Variants in GAREM1 observed in about 807,000 individuals in gnomAD.
GAREM1 encodes GRB2-associated and regulator of MAPK protein 1.
Under a neutral mutation model 71.3 loss-of-function variants are expected in GAREM1, and 26 were observed. That is an observed-to-expected ratio of 0.36 (90% CI 0.27 to 0.51). The LOEUF is 0.51. Among genes scored for constraint, GAREM1 ranks in the 20% least tolerant of loss-of-function variants. GAREM1 has a pLI of 0.95. For synonymous variants in GAREM1, 440 were observed against 433.2 expected (o/e 1.02, Z -0.20); for missense variants, 1,026 against 1,103.1 (o/e 0.93, Z 0.99).
intron 1 of GAREM1, among the ~76,000 whole-genome samples, chr18:32,399,679 G>A (rs1370472624): frequency 5.9e-5 from 9 of 151,954 alleles, no homozygotes; most frequent in South Asian, 2.1e-4. Flanking sequence ...AACAGGACAC[G>A]AACAAATGGA....
At chr18:32,336,150 G>T (rs2047590620) in intron 2 of GAREM1, among the ~76,000 whole-genome samples, 1 of 152,170 alleles carries the variant, frequency 6.6e-6, no homozygotes, top group African/African-American at 2.4e-5. Flanking sequence ...CATACAGTAG[G>T]CCGGGCACGG....
Position 32,396,968 on chromosome 18 carries a change from C to G in GAREM1, c.122-3933G>C, listed in dbSNP as rs368502370. Among the ~76,000 whole-genome samples, 117 of 152,288 alleles carry G rather than the reference C, an allele frequency of 7.7e-4. 1 individual carries two copies. In the East Asian group the frequency reaches 0.018, roughly 24 times the overall value. ...CTAACAGCGGATCTCTCGGCAGAAA[C>G]TCTACAAGCCAGAAGAGAGTGGGGG... On this transcript the variant is annotated intron_variant, in intron 1 of 5. Coordinates refer to ENST00000269209, the MANE Select transcript of GAREM1 (RefSeq NM_001242409.2).
At chr18:32,370,421 CAAAAAAAAA>C (rs57026913) in intron 2 of GAREM1, among the ~76,000 whole-genome samples, 1 of 69,174 alleles carries the variant, frequency 1.4e-5, no homozygotes, top group Non-Finnish European at 3.0e-5. Flanking sequence ...AACTCTGTTT[CAAAAAAAAA>C]AAAAAAAAGC....
chr18:32,363,743 A>T (rs2047889481), intron 2 of GAREM1, among the ~76,000 whole-genome samples: 1 of 151,794 alleles, frequency 6.6e-6, no homozygotes, highest in Non-Finnish European at 1.5e-5. Flanking sequence ...ACAGCTTATG[A>T]TTTTCAGTCA....
intron 1 of GAREM1, among the ~76,000 whole-genome samples, chr18:32,398,089 A>G (rs1395220782): frequency 6.6e-6 from 1 of 152,224 alleles, no homozygotes; most frequent in Non-Finnish European, 1.5e-5. Context: ...AAATGAAGGC[A>G]GAAATAAAGA....
intron 1 of GAREM1, among the ~76,000 whole-genome samples, chr18:32,410,482 G>A (rs541376960): frequency 6.6e-6 from 1 of 152,044 alleles, no homozygotes; most frequent in Non-Finnish European, 1.5e-5. Context: ...CAAATTGCTG[G>A]TACTACAGGT....
At chr18:32,467,464 G>C (rs555761898) in intron 1 of GAREM1, among the ~76,000 whole-genome samples, 7 of 152,148 alleles carry the variant, frequency 4.6e-5, no homozygotes, top group Admixed American at 1.3e-4. Context: ...CCATTTACTA[G>C]GTACGAGTCT....
intron 1 of GAREM1, among the ~76,000 whole-genome samples, chr18:32,436,536 T>C (rs1478461533): frequency 1.3e-5 from 2 of 152,242 alleles, no homozygotes; most frequent in African/African-American, 4.8e-5. Flanking sequence ...TGTCTGTTGC[T>C]AAATACCAAT....
intron 1 of GAREM1, among the ~76,000 whole-genome samples, chr18:32,394,716 G>C (rs938396976): frequency 6.6e-6 from 1 of 152,140 alleles, no homozygotes; most frequent in Non-Finnish European, 1.5e-5. Context: ...GAAAAATCTA[G>C]AACTGCTGCT....
At chr18:32,389,068 G>A (rs1185556189) in intron 2 of GAREM1, among the ~76,000 whole-genome samples, 1 of 152,140 alleles carries the variant, frequency 6.6e-6, no homozygotes, top group Admixed American at 6.5e-5. Context: ...GGTGGGGAGG[G>A]AGGAGGGTAA....
At chr18:32,467,042 T>C (rs1482416317) in intron 1 of GAREM1, among the ~76,000 whole-genome samples, 1 of 152,190 alleles carries the variant, frequency 6.6e-6, no homozygotes, top group Non-Finnish European at 1.5e-5. Flanking sequence ...ATGCAAAGAA[T>C]TGGAGAGTTC....
chr18:32,418,148 A>G (rs1428582091), intron 1 of GAREM1, among the ~76,000 whole-genome samples: 1 of 152,222 alleles, frequency 6.6e-6, no homozygotes, highest in African/African-American at 2.4e-5. Flanking sequence ...ATGCAAGAGG[A>G]AAGTAGATAA....
At chr18:32,468,145 T>C (rs550620371) in intron 1 of GAREM1, among the ~76,000 whole-genome samples, 15 of 152,344 alleles carry the variant, frequency 9.8e-5, no homozygotes, top group Admixed American at 6.5e-4. Context: ...AGGATTTTAA[T>C]AGGACTGACA....
At chr18:32,293,054 G>C (rs2047102315) in intron 3 of GAREM1, among the ~76,000 whole-genome samples, 1 of 152,084 alleles carries the variant, frequency 6.6e-6, no homozygotes, top group East Asian at 1.9e-4. Flanking sequence ...AGGCAAGACA[G>C]AGCTCCTTGG....
Position 32,270,218 on chromosome 18 carries a change from T to G in GAREM1, c.1732A>C (p.Ile578Leu). The G allele has an allele frequency of 6.2e-7, 1 of 1,613,496 alleles. No individual in the cohort carries two copies. The highest frequency in any genetic ancestry group is 8.5e-7 in the Non-Finnish European group (1 of 1,179,796). The change falls in exon 5 of 6, where the codon ATC becomes CTC. Residue 578 changes from isoleucine (I) to leucine (L), a missense_variant and splice_region_variant. This residue lies in a region of GAREM1 where 636 missense variants were observed against 631.2 expected (regional missense o/e 1.01). Transcript: ENST00000269209. ...GTGGGACCTGGCAGGAAGACTTACA[T>G]GTTGTGTAGCCCTGAAGAATAGTAG... is the stretch of plus-strand genomic sequence containing the variant. The part of the protein sequence containing the change: ...LSYYSSGLHN[I>L]SVTKTDTNPS...
chr18:32,436,716 C>A (rs553843262), intron 1 of GAREM1, among the ~76,000 whole-genome samples: 9 of 152,148 alleles, frequency 5.9e-5, no homozygotes, highest in Admixed American at 5.2e-4. Flanking sequence ...TTAAGAAAAA[C>A]CCATTATTCT....
chr18:32,384,456 C>CA (rs2048126223), intron 2 of GAREM1, among the ~76,000 whole-genome samples: 1 of 152,168 alleles, frequency 6.6e-6, no homozygotes, highest in African/African-American at 2.4e-5. Flanking sequence ...TGTGCTGAGT[C>CA]AATTTTTTCC....
intron 1 of GAREM1, among the ~76,000 whole-genome samples, chr18:32,425,607 T>C (rs1233610566): frequency 6.6e-6 from 1 of 152,174 alleles, no homozygotes; most frequent in African/African-American, 2.4e-5. Context: ...AAAATGCTAA[T>C]TTTGAGGCTG....
chr18:32,309,615 CAA>C (rs11370938), intron 3 of GAREM1, among the ~76,000 whole-genome samples: 2 of 13,862 alleles, frequency 1.4e-4, no homozygotes, highest in Non-Finnish European at 2.6e-4. Context: ...GACTCAGTCT[CAA>C]AAAAAAAAAA....
Sources: gnomAD v4.1 joint callset for allele counts (sites outside exome capture counted in the v4.1 genomes callset) on GRCh38, gnomAD v4.1.1 for gene constraint, gnomAD v4.1.1 regional missense constraint, MANE v1.5 for transcripts, NCBI Gene and HGNC (gene_info 2026-07-23, HGNC 2026-07-21) for gene names.